The following THOC5 variants were observed in gnomAD, a reference collection of about 807,000 sequenced individuals.
The protein encoded by THOC5 is Fms-interacting protein.
THOC5 carries 43 observed loss-of-function variants against 92.9 expected under a neutral mutation model. The observed-to-expected ratio is 0.46, with a 90% CI of 0.36 to 0.60. The LOEUF (loss-of-function observed/expected upper bound fraction) is 0.60, where lower values mean the gene tolerates loss of function less well. THOC5 is among the 20% of genes least tolerant of loss of function. The pLI is 0.00. For missense variants in THOC5, 659 were observed against 849.4 expected (o/e 0.78, Z 2.79); for synonymous variants, 296 against 320.1 (o/e 0.92, Z 0.80).
chr22:29,508,569 A>T, intron 19 of THOC5, 49 bp from the exon 20 acceptor site: 1 of 1,501,482 alleles, frequency 6.7e-7, no homozygotes, highest in Non-Finnish European at 9.3e-7. Flanking sequence ...TTCTAGGCTG[A>T]TAAAATAAAT....
chr22:29,514,879 T>C (rs1327271743), intron 17 of THOC5, among the ~76,000 whole-genome samples: 2 of 151,842 alleles, frequency 1.3e-5, no homozygotes, highest in Non-Finnish European at 2.9e-5. Context: ...CTAACTTTTA[T>C]ATTTTTAGTA....
intron 17 of THOC5, among the ~76,000 whole-genome samples, chr22:29,514,703 T>C: frequency 6.7e-6 from 1 of 149,412 alleles, no homozygotes; most frequent in East Asian, 2.0e-4. Context: ...AATGAAAAAA[T>C]ATATATATAT....
intron 8 of THOC5, 86 bp from the exon 9 acceptor site, chr22:29,529,325 C>T (rs2063607841): frequency 7.3e-7 from 1 of 1,371,432 alleles, no homozygotes; most frequent in South Asian, 1.2e-5. Flanking sequence ...GGCTGCATTT[C>T]TCCCACCTCT....
rs370093602 is a variant in THOC5, at chr22:29,520,076, C to T, written c.1306G>A (p.Glu436Lys). The T allele has an allele frequency of 9.3e-6, 15 of 1,613,780 alleles. No individual in the cohort carries two copies. The highest frequency in any genetic ancestry group is 1.3e-5 in the Non-Finnish European group (15 of 1,179,952). ...GILTLSDYVL[E>K]LGHPYLWVQK... ...ACCCACAAATAGGGGTGACCTAGCTCAAGTACATAGTCGCTCAAAGTCAGG... is the reference window on the plus strand; with the variant it reads ...ACCCACAAATAGGGGTGACCTAGCTTAAGTACATAGTCGCTCAAAGTCAGG... Residue 436 changes from glutamate to lysine, a missense_variant, in exon 14 of 20, where the codon GAG becomes AAG. Glu to Lys is a moderately conservative substitution (Grantham distance 56). Transcript: ENST00000490103.
intron 17 of THOC5, among the ~76,000 whole-genome samples, chr22:29,512,854 GT>G (rs763837537): frequency 2.0e-5 from 3 of 152,160 alleles, no homozygotes; most frequent in Non-Finnish European, 4.4e-5. Context: ...AAATATTTGT[GT>G]TTTTGAACAT....
intron 6 of THOC5, among the ~76,000 whole-genome samples, chr22:29,537,913 GATAA>G (rs1218977654): frequency 1.3e-5 from 2 of 152,010 alleles, no homozygotes; most frequent in Non-Finnish European, 2.9e-5. Flanking sequence ...TAAATAAATA[GATAA>G]ATAAATAAAT....
chr22:29,520,778 G>A (rs752088641), intron 13 of THOC5, among the ~76,000 whole-genome samples: 22 of 152,230 alleles, frequency 1.4e-4, no homozygotes, highest in African/African-American at 4.3e-4. Flanking sequence ...TTACAGGCGT[G>A]AGCCACCACA....
chr22:29,529,248 C>G lies in THOC5; in HGVS notation c.848-9G>C. On this transcript the variant is annotated splice_polypyrimidine_tract_variant and intron_variant, in intron 8 of 19. Transcript: ENST00000490103. ...CACAGATAACGTCTTATCTGGGGGGCAAGAAGAAGTCTGTTAGGAAAGCTG... is the reference window on the plus strand; with the variant it reads ...CACAGATAACGTCTTATCTGGGGGGGAAGAAGAAGTCTGTTAGGAAAGCTG... 6.2e-7 allele frequency: 1 copy of G among 1,614,022 alleles called. No homozygotes were observed. The highest frequency in any genetic ancestry group is 8.5e-7 in the Non-Finnish European group (1 of 1,179,992).
intron 5 of THOC5, among the ~76,000 whole-genome samples, chr22:29,542,091 T>C (rs2063909069): frequency 1.3e-5 from 2 of 151,716 alleles, no homozygotes; most frequent in Admixed American, 1.3e-4. Context: ...GGAAGGACAC[T>C]GACAAACTGT....
intron 12 of THOC5, among the ~76,000 whole-genome samples, chr22:29,523,762 A>G (rs1167118361): frequency 2.0e-5 from 3 of 152,228 alleles, no homozygotes; most frequent in Non-Finnish European, 4.4e-5. Context: ...ACACAAAACT[A>G]TTAAAAAAAA....
chr22:29,514,753 G>A (rs2063300983), intron 17 of THOC5, among the ~76,000 whole-genome samples: 1 of 151,716 alleles, frequency 6.6e-6, no homozygotes, highest in Non-Finnish European at 1.5e-5. Context: ...CACCCAGGCT[G>A]GAGTGCAGTG....
Position 29,528,152 on chromosome 22 carries a change from AC to A in THOC5, c.991del (p.Val331PhefsTer11), listed in dbSNP as rs2092141136. The A allele has an allele frequency of 1.2e-6, 2 of 1,613,800 alleles. No homozygotes were observed. Among genetic ancestry groups the A allele is most frequent in the Admixed American group, 3.3e-5 (2 of 59,976 alleles). On this transcript the variant is annotated frameshift_variant, in exon 11 of 20. Transcript: ENST00000490103. LOFTEE classifies it high-confidence loss of function. ...TTKRRRPTLG[V>X]QLDDKRKEML... ...CTCCTTGCGTTTGTCGTCCAACTGA[AC>A]CCCCAGTGTGGGTCTCCGGCGCTTC...
chr22:29,536,870 T>A, intron 6 of THOC5, 132 bp from the exon 7 acceptor site: 1 of 645,814 alleles, frequency 1.5e-6, no homozygotes, highest in Non-Finnish European at 2.8e-6. Context: ...ACTCAATGTG[T>A]GCCAGGTACT....
intron 3 of THOC5, 62 bp downstream of exon 3, chr22:29,544,398 G>A (rs750329114): frequency 2.6e-6 from 4 of 1,554,912 alleles, no homozygotes; most frequent in East Asian, 4.6e-5. Context: ...CCTGGTAGGT[G>A]CAAAAACAGC....
Position 29,541,078 on chromosome 22 carries a change from G to A in THOC5, c.453-1602C>T, listed in dbSNP as rs987710259. ...CTAAAAATACGAAAATTAGCTGGGT[G>A]TGGTGGCTCATGCATGCAATCGCTT... On this transcript the variant is annotated intron_variant, in intron 5 of 19. Coordinates refer to ENST00000490103, the MANE Select transcript of THOC5 (RefSeq NM_003678.5). Among the ~76,000 whole-genome samples, 5 of 152,026 alleles carry A rather than the reference G, an allele frequency of 3.3e-5. No homozygotes were observed. The South Asian group carries it at 1.0e-3, about 32-fold the overall frequency.
chr22:29,525,124 AAGTC>A (rs1210812398), intron 12 of THOC5, among the ~76,000 whole-genome samples: 1 of 151,986 alleles, frequency 6.6e-6, no homozygotes, highest in African/African-American at 2.4e-5. Context: ...TAAAAATAGA[AAGTC>A]AGCCAGGCAT....
intron 17 of THOC5, among the ~76,000 whole-genome samples, chr22:29,512,630 T>G (rs1569206744): frequency 6.6e-6 from 1 of 152,254 alleles, no homozygotes; most frequent in Non-Finnish European, 1.5e-5. Flanking sequence ...GAGTCCTTAC[T>G]GTATCCCAGG....
intron 12 of THOC5, among the ~76,000 whole-genome samples, chr22:29,525,012 C>T (rs758620117): frequency 7.2e-5 from 11 of 152,170 alleles, no homozygotes; most frequent in Non-Finnish European, 1.0e-4. Flanking sequence ...GTGACTCATG[C>T]CTGGAATTCC....
chr22:29,512,424 A>G (rs188476899), intron 17 of THOC5, among the ~76,000 whole-genome samples: 2 of 152,262 alleles, frequency 1.3e-5, no homozygotes, highest in East Asian at 3.9e-4. Flanking sequence ...CATGAGTTCT[A>G]TTTGCTACTT....
Sources: allele counts gnomAD v4.1 joint callset (sites outside exome capture counted in the v4.1 genomes callset), GRCh38; gene constraint gnomAD v4.1.1; transcripts MANE v1.5; gene names NCBI Gene and HGNC (gene_info 2026-07-23, HGNC 2026-07-21).